The following ISLR2 variants were observed in gnomAD, a reference collection of about 807,000 sequenced individuals.
The protein encoded by ISLR2 is immunoglobulin superfamily containing leucine rich repeat 2.
In ISLR2, 16 loss-of-function variants were observed where a neutral mutation model predicts 25.5. That is an observed-to-expected ratio of 0.63 (90% CI 0.43 to 0.95). ISLR2 has a LOEUF of 0.95. Among genes scored for constraint, ISLR2 ranks in the 40% least tolerant of loss-of-function variants. ISLR2 has a pLI of 0.00. For missense variants in ISLR2, 883 were observed against 1,030.7 expected (o/e 0.86, Z 1.96); for synonymous variants, 508 against 486.6 (o/e 1.04, Z -0.58).
chr15:74,134,528 G>T lies in ISLR2; in HGVS notation c.1774G>T (p.Val592Phe). 6.2e-7 allele frequency: 1 copy of T among 1,614,082 alleles called. No individual in the cohort carries two copies. Among genetic ancestry groups the T allele is most frequent in the South Asian group, 1.1e-5 (1 of 91,090 alleles). The part of the protein sequence containing the change: ...STKKELPSLL[V>F]IVAVSVFLLV... ...CAAGAAGGAGCTCCCATCGCTGCTG[G>T]TCATAGTGGCAGTGAGCGTATTCCT... is the stretch of plus-strand genomic sequence containing the variant. Residue 592 changes from valine to phenylalanine, a missense_variant, in exon 3 of 3, where the codon GTC becomes TTC. Val to Phe is a conservative substitution (Grantham distance 50). Coordinates refer to ENST00000453268, the MANE Select transcript of ISLR2 (RefSeq NM_020851.3).
chr15:74,117,445 T>C (rs2072219283), intron 2 of ISLR2, among the ~76,000 whole-genome samples: 1 of 151,704 alleles, frequency 6.6e-6, no homozygotes, highest in Admixed American at 6.6e-5. Flanking sequence ...ATTTGGGAGG[T>C]TGCAGCAGGA....
upstream of ISLR2, chr15:74,129,309 G>A (rs1472332978): frequency 3.1e-6 from 1 of 319,526 alleles, no homozygotes; most frequent in Non-Finnish European, 6.1e-6. This position sits in a 1 kb window ranked among gnomAD's most constrained non-coding sequence, Gnocchi z 4.5. Context: ...GGTCTCTTTA[G>A]ACGCTGCGCT....
At chr15:74,139,679 A>G (rs1346354833), downstream of ISLR2, among the ~76,000 whole-genome samples, 1 of 152,176 alleles carries the variant, frequency 6.6e-6, no homozygotes, top group Non-Finnish European at 1.5e-5. Flanking sequence ...AGAACCTACC[A>G]GGTGTGGAGG....
exon 1 of ISLR2, chr15:74,100,345 C>A: frequency 1.6e-6 from 2 of 1,220,274 alleles, no homozygotes; most frequent in Non-Finnish European, 2.1e-6. Context: ...GGACCGCAGC[C>A]CGCTGGAGGT....
At chr15:74,111,540 C>T (rs573259760) in intron 2 of ISLR2, among the ~76,000 whole-genome samples, 3 of 152,172 alleles carry the variant, frequency 2.0e-5, no homozygotes, top group East Asian at 1.9e-4. Flanking sequence ...CCACCCGCCT[C>T]GGCCTCCCAA....
At chr15:74,108,326 A>G (rs1221723801) in intron 2 of ISLR2, among the ~76,000 whole-genome samples, 1 of 152,100 alleles carries the variant, frequency 6.6e-6, no homozygotes, top group Non-Finnish European at 1.5e-5. Context: ...AGCTCCTTGG[A>G]CTGGACCAGG....
At position 74,134,606 on chromosome 15, in the gene ISLR2, G is replaced by A. The variant is rs752187507; in HGVS notation, c.1852G>A (p.Ala618Thr). The A allele has an allele frequency of 6.2e-7, 1 of 1,614,112 alleles. No homozygotes were observed. The highest frequency in any genetic ancestry group is 8.5e-7 in the Non-Finnish European group (1 of 1,180,026). The stretch of plus-strand genomic sequence containing the variant: ...GGGCGCCGCCTGCTGCCATCTGCTG[G>A]CTAAACACCCGGGCAAGCCCTACCG... ...LLGAACCHLLAKHPGKPYRLI... is the reference protein window; with the variant it reads ...LLGAACCHLLTKHPGKPYRLI... Residue 618 changes from alanine to threonine, a missense_variant, in exon 3 of 3, where the codon GCT becomes ACT. By Grantham distance (58) the Ala-to-Thr change is moderately conservative (BLOSUM62 0). Coordinates refer to ENST00000453268, the MANE Select transcript of ISLR2 (RefSeq NM_020851.3).
chr15:74,134,178 A>T lies in ISLR2; in HGVS notation c.1424A>T (p.Gln475Leu). Reference protein sequence around the residue: ...SRYVSNHAFNQSAELKPHVFE... With the variant: ...SRYVSNHAFNLSAELKPHVFE... ...TACGTTTCTAACCACGCGTTCAACC[A>T]GAGCGCAGAGCTCAAGCCGCACGTC... is the stretch of plus-strand genomic sequence containing the variant. Residue 475 changes from glutamine (Q) to leucine (L), a missense_variant, in exon 3 of 3, where the codon CAG becomes CTG. Physicochemically the swap from Gln to Leu is moderately radical, Grantham distance 113. This residue lies in a region of ISLR2 where 612 missense variants were observed against 642.8 expected (regional missense o/e 0.95). Coordinates refer to ENST00000453268, the MANE Select transcript of ISLR2 (RefSeq NM_020851.3). 6.2e-7 allele frequency: 1 copy of T among 1,612,360 alleles called. No individual in the cohort carries two copies. Among genetic ancestry groups the T allele is most frequent in the Non-Finnish European group, 8.5e-7 (1 of 1,179,406 alleles).
upstream of ISLR2, chr15:74,128,299 A>G (rs548985522): frequency 2.5e-6 from 1 of 395,526 alleles, no homozygotes; most frequent in African/African-American, 2.1e-5. Flanking sequence ...TCCAGGGTCG[A>G]AGGCAGGGGT....
chr15:74,110,674 A>G (rs886971927), intron 2 of ISLR2, among the ~76,000 whole-genome samples: 5 of 141,750 alleles, frequency 3.5e-5, no homozygotes, highest in East Asian at 2.0e-4. Context: ...AAAAAAAAAA[A>G]GGCTGGGCAT....
rs746855287 is a variant in ISLR2, at chr15:74,134,533, A to T, written c.1779A>T (p.Ile593=). The change falls in exon 3 of 3, where the codon ATA becomes ATT. Residue 593 remains isoleucine, a synonymous_variant. Transcript: ENST00000453268. ...TKKELPSLLV[I]VAVSVFLLVL... The stretch of plus-strand genomic sequence containing the variant: ...AGGAGCTCCCATCGCTGCTGGTCAT[A>T]GTGGCAGTGAGCGTATTCCTCCTGG... 6.2e-7 allele frequency: 1 copy of T among 1,614,026 alleles called. No homozygotes were observed. The highest frequency in any genetic ancestry group is 1.1e-5 in the South Asian group (1 of 91,078).
upstream of ISLR2, chr15:74,130,451 CAA>C (rs1240533343): frequency 6.6e-6 from 1 of 152,266 alleles, no homozygotes; most frequent in African/African-American, 2.4e-5. Context: ...CCTGCATTTG[CAA>C]AAAGAGTTTA....
intron 2 of ISLR2, among the ~76,000 whole-genome samples, chr15:74,116,905 A>G (rs2072215515): frequency 6.6e-6 from 1 of 152,202 alleles, no homozygotes; most frequent in Non-Finnish European, 1.5e-5. Flanking sequence ...TCATACCCAC[A>G]GGTCAGGGAG....
intron 2 of ISLR2, among the ~76,000 whole-genome samples, chr15:74,113,982 T>C (rs2072190755): frequency 1.3e-5 from 2 of 152,244 alleles, no homozygotes; most frequent in Non-Finnish European, 1.5e-5. Flanking sequence ...GGGCTTCTCC[T>C]CTGCAACTCC....
upstream of ISLR2, chr15:74,128,372 G>C (rs2072328584): frequency 2.3e-6 from 1 of 439,758 alleles, no homozygotes; most frequent in Non-Finnish European, 4.5e-6. Context: ...GAGTGAGCTA[G>C]AGCCTCCGGG....
chr15:74,102,113 G>A (rs1336707024), intron 1 of ISLR2, among the ~76,000 whole-genome samples: 2 of 144,746 alleles, frequency 1.4e-5, no homozygotes, highest in East Asian at 2.0e-4. Context: ...CCAGCCTCAG[G>A]AGACTGAGTC....
chr15:74,104,498 G>T (rs929489214), intron 2 of ISLR2, among the ~76,000 whole-genome samples: 2 of 152,248 alleles, frequency 1.3e-5, no homozygotes, highest in Non-Finnish European at 2.9e-5. Context: ...GTTAGATTTT[G>T]CAGGGGCTGC....
chr15:74,124,958 T>C (rs1031735209), upstream of ISLR2, among the ~76,000 whole-genome samples: 2 of 152,146 alleles, frequency 1.3e-5, no homozygotes, highest in Non-Finnish European at 2.9e-5. Flanking sequence ...CAGCCTTGCT[T>C]CCTGCTTTGT....
At chr15:74,130,355 A>G (rs935110701), upstream of ISLR2, 1 of 151,732 alleles carries the variant, frequency 6.6e-6, no homozygotes, top group Non-Finnish European at 1.5e-5. Flanking sequence ...GGCGGCTAGC[A>G]GCGGGGGGTG....
Sources: gnomAD v4.1 joint callset for allele counts (sites outside exome capture counted in the v4.1 genomes callset) on GRCh38, gnomAD v4.1.1 for gene constraint, gnomAD v4.1.1 regional missense constraint, Gnocchi (gnomAD v3.1) non-coding constraint, MANE v1.5 for transcripts, NCBI Gene and HGNC (gene_info 2026-07-23, HGNC 2026-07-21) for gene names.